The following ZNF782 variants were observed in gnomAD, a reference collection of about 807,000 sequenced individuals.
ZNF782 encodes the protein zinc finger protein 782.
In ZNF782, 12 loss-of-function variants were observed where a neutral mutation model predicts 13.0. That is an observed-to-expected ratio of 0.92 (90% confidence interval 0.59 to 1.50). The LOEUF is 1.50. Ranked by LOEUF, ZNF782 falls within the 40% of genes most tolerant of loss-of-function variation. The pLI is 0.00. For synonymous variants in ZNF782, 284 were observed against 283.0 expected, an observed-to-expected ratio of 1.00 and a Z score of -0.04; for missense variants, 770 against 822.9, an observed-to-expected ratio of 0.94 and a Z score of 0.79.
At chr9:96,856,309 A>G (rs551668703), upstream of ZNF782, among the ~76,000 whole-genome samples, 1 of 152,358 alleles carries the variant, frequency 6.6e-6, no homozygotes, top group South Asian at 2.1e-4. Flanking sequence ...TTTAAATCAA[A>G]ACAAAAGGAA....
At chr9:96,873,440 C>CT (rs1179232418) in intron 1 of ZNF782, among the ~76,000 whole-genome samples, 1 of 152,192 alleles carries the variant, frequency 6.6e-6, no homozygotes, top group African/African-American at 2.4e-5. Context: ...TGGCTCATGC[C>CT]TGTAATGCCA....
chr9:96,885,844 T>C, the ZNF782 span, among the ~76,000 whole-genome samples: 10 of 152,012 alleles, frequency 6.6e-5, no homozygotes, highest in African/African-American at 2.4e-5. Context: ...TTTCTTTCTT[T>C]CTTCCTTTCT....
intron 1 of ZNF782, among the ~76,000 whole-genome samples, chr9:96,867,861 G>A (rs1851778118): frequency 1.3e-5 from 2 of 152,152 alleles, no homozygotes; most frequent in Middle Eastern, 3.2e-3. Context: ...GCTGTGTCCT[G>A]TTTGGACATT....
At chr9:96,829,357 T>C (rs961329323) in intron 4 of ZNF782, among the ~76,000 whole-genome samples, 1 of 152,094 alleles carries the variant, frequency 6.6e-6, no homozygotes, top group African/African-American at 2.4e-5. Flanking sequence ...TTTTATAATA[T>C]ATAAATAGCA....
intron 3 of ZNF782, among the ~76,000 whole-genome samples, chr9:96,851,620 C>A (rs1020898744): frequency 1.3e-5 from 2 of 152,204 alleles, no homozygotes; most frequent in African/African-American, 4.8e-5. Context: ...AGGGTCTATA[C>A]AGGAATTCAA....
intron 1 of ZNF782, among the ~76,000 whole-genome samples, chr9:96,863,904 G>T (rs1347228990): frequency 6.6e-6 from 1 of 151,960 alleles, no homozygotes; most frequent in African/African-American, 2.4e-5. Context: ...TACATATTGG[G>T]TACAGTGTAC....
At chr9:96,909,811 C>G in the ZNF782 span, among the ~76,000 whole-genome samples, 1 of 151,674 alleles carries the variant, frequency 6.6e-6, no homozygotes, top group African/African-American at 2.4e-5. Context: ...CTTGCTAAAC[C>G]CAAAACAGCA....
At chr9:96,823,143 CT>C (rs1850482320) in intron 5 of ZNF782, among the ~76,000 whole-genome samples, 1 of 152,170 alleles carries the variant, frequency 6.6e-6, no homozygotes, top group South Asian at 2.1e-4. Context: ...TTCCACTGGG[CT>C]GATCATGTGG....
intron 4 of ZNF782, among the ~76,000 whole-genome samples, chr9:96,828,270 T>A (rs560662712): frequency 3.9e-5 from 6 of 152,296 alleles, no homozygotes; most frequent in African/African-American, 9.6e-5. Flanking sequence ...ACTGCTTTAG[T>A]AGAGGGGCCA....
intron 1 of ZNF782, among the ~76,000 whole-genome samples, chr9:96,862,419 T>C (rs7868847): frequency 0.051 from 7,816 of 152,312 alleles, 579 homozygotes; most frequent in African/African-American, 0.17. Flanking sequence ...TGAGGTGTGA[T>C]GGATACTTCA....
Position 96,818,140 on chromosome 9 carries a change from C to G in ZNF782, c.1883G>C (p.Ser628Thr), listed in dbSNP as rs139155806. The part of the protein sequence containing the change: ...YECNECGKAF[S>T]EKSVLRKHQR... ...ATGTTTTCTTAGGACTGACTTCTCA[C>G]TGAAAGCTTTTCCACATTCATTACA... The change falls in exon 6 of 6, where the codon AGT becomes ACT. Residue 628 changes from serine (S) to threonine (T), a missense_variant. Physicochemically the swap from Ser to Thr is moderately conservative, Grantham distance 58. Transcript: ENST00000481138. 31 of 1,613,892 alleles carry G rather than the reference C, an allele frequency of 1.9e-5. No homozygotes were observed. The African/African-American group carries it at 3.6e-4, about 19-fold the overall frequency.
the ZNF782 span, among the ~76,000 whole-genome samples, chr9:96,887,035 C>T: frequency 1.3e-4 from 20 of 151,472 alleles, no homozygotes; most frequent in African/African-American, 4.9e-4. Context: ...GGAAACTGGC[C>T]GGATGCGGTG....
upstream of ZNF782, chr9:96,875,663 C>T: frequency 2.2e-6 from 1 of 452,578 alleles, no homozygotes; most frequent in Non-Finnish European, 4.4e-6. Context: ...CCACCTGCGT[C>T]CCCGGGACCT....
chr9:96,911,670 G>A, the ZNF782 span, among the ~76,000 whole-genome samples: 129 of 151,056 alleles, frequency 8.5e-4, no homozygotes, highest in Middle Eastern at 3.4e-3. Flanking sequence ...ACAGGCGCCC[G>A]CCACTACACC....
chr9:96,850,198 A>T lies in ZNF782; in HGVS notation c.15+1749T>A, dbSNP rs1214731324. Among the ~76,000 whole-genome samples the T allele has an allele frequency of 6.6e-6, 1 of 152,236 alleles. No homozygotes were observed. The highest frequency in any genetic ancestry group is 1.5e-5 in the Non-Finnish European group (1 of 68,046). On this transcript the variant is annotated intron_variant, in intron 3 of 5. Coordinates refer to ENST00000481138, the MANE Select transcript of ZNF782 (RefSeq NM_001001662.3). This position sits in a 1 kb window ranked among gnomAD's most constrained non-coding sequence, Gnocchi z 4.3. ...AAAGAAGTCATCATAAATGAAAAAG[A>T]AACCAGCACACGTTTGTAGCAGCAC...
intron 5 of ZNF782, among the ~76,000 whole-genome samples, chr9:96,826,605 C>T (rs1850629534): frequency 1.3e-5 from 2 of 152,096 alleles, no homozygotes; most frequent in African/African-American, 2.4e-5. Flanking sequence ...TTCAGCAGGC[C>T]TGAGACTGCT....
chr9:96,869,807 A>T (rs1851803304), intron 1 of ZNF782, among the ~76,000 whole-genome samples: 2 of 152,206 alleles, frequency 1.3e-5, no homozygotes, highest in South Asian at 4.1e-4. Context: ...GACTTATTTG[A>T]CATTCCAATG....
chr9:96,840,078 A>T (rs1257495201), intron 4 of ZNF782, among the ~76,000 whole-genome samples: 2 of 152,168 alleles, frequency 1.3e-5, no homozygotes, highest in Admixed American at 1.3e-4. Flanking sequence ...TTTAGTGCCA[A>T]AAAATTACAT....
the ZNF782 span, among the ~76,000 whole-genome samples, chr9:96,898,812 G>A: frequency 6.7e-6 from 1 of 148,506 alleles, no homozygotes; most frequent in Admixed American, 6.6e-5. Context: ...CTCCCAAAGT[G>A]TTCCACCCAC....
Sources: gnomAD v4.1 joint callset for allele counts (sites outside exome capture counted in the v4.1 genomes callset) on GRCh38, gnomAD v4.1.1 for gene constraint, Gnocchi (gnomAD v3.1) non-coding constraint, MANE v1.5 for transcripts, NCBI Gene and HGNC (gene_info 2026-07-23, HGNC 2026-07-21) for gene names.